IPO7: variants seen among roughly 807,000 people sequenced by gnomAD.
IPO7 encodes importin-7.
Under a neutral mutation model 136.4 loss-of-function variants are expected in IPO7, and 13 were observed. The observed-to-expected ratio is 0.10, with a 90% confidence interval of 0.06 to 0.15. The LOEUF (loss-of-function observed/expected upper bound fraction) is 0.15, where lower values mean the gene tolerates loss of function less well. Ranked by LOEUF, IPO7 falls within the 10% of genes least tolerant of loss-of-function variation. IPO7 has a pLI of 1.00. For missense variants in IPO7, 857 were observed against 1,240.6 expected (o/e 0.69, Z 4.65); for synonymous variants, 403 against 404.4 (o/e 1.00, Z 0.04).
At chr11:9,389,347 C>T (rs926492411) in intron 1 of IPO7, among the ~76,000 whole-genome samples, 2 of 152,176 alleles carry the variant, frequency 1.3e-5, no homozygotes, top group Non-Finnish European at 2.9e-5. Context: ...CCACACCAGC[C>T]GGTGTTTTTA....
At chr11:9,411,156 C>T (rs1045969923) in intron 4 of IPO7, among the ~76,000 whole-genome samples, 1 of 152,042 alleles carries the variant, frequency 6.6e-6, no homozygotes, top group Non-Finnish European at 1.5e-5. Context: ...GGTTCAAGGC[C>T]CTCCTGTCCC....
intron 3 of IPO7, 25 bp from the exon 4 acceptor site, chr11:9,409,903 C>G: frequency 6.8e-7 from 1 of 1,479,610 alleles, no homozygotes; most frequent in Non-Finnish European, 9.0e-7. Context: ...GGATTTTTTC[C>G]TTACTGTTTT....
Position 9,445,387 on chromosome 11 carries a change from G to T in IPO7, c.*193G>T. ...AAAAGAAATCAGCGGGATTTTGGGGGTGGGGGGGGATGGGAGGTACCTTAG... is the reference window on the plus strand; with the variant it reads ...AAAAGAAATCAGCGGGATTTTGGGGTTGGGGGGGGATGGGAGGTACCTTAG... On this transcript the variant is annotated 3_prime_UTR_variant, in exon 25 of 25. Transcript: ENST00000379719. The T allele has an allele frequency of 3.1e-6, 1 of 326,144 alleles. No individual in the cohort carries two copies. Among genetic ancestry groups the T allele is most frequent in the Non-Finnish European group, 5.5e-6 (1 of 182,994 alleles). 20.2% of individuals were successfully genotyped at this position (326,144 alleles called of 1,614,324 possible).
chr11:9,410,821 AG>A (rs1252341004), intron 4 of IPO7, among the ~76,000 whole-genome samples: 1 of 152,164 alleles, frequency 6.6e-6, no homozygotes, highest in Admixed American at 6.5e-5. Flanking sequence ...GGAAGGCATA[AG>A]GAAGACTTTT....
rs187330047 is a variant in IPO7 at position 9,417,958 on chromosome 11, C to T, written c.726+810C>T. On this transcript the variant is annotated intron_variant, in intron 6 of 24. Transcript: ENST00000379719. ...AAACTTCTGAGCTCAGGTGATCCGC[C>T]CACCTTGGCCTCCCAAAGTGCTGGG... is the stretch of plus-strand genomic sequence containing the variant. Among the ~76,000 whole-genome samples the T allele has an allele frequency of 5.1e-3, 762 of 150,252 alleles. 10 individuals are homozygous for T. Among genetic ancestry groups the T allele is most frequent in the African/African-American group, 0.017 (722 of 41,430 alleles).
intron 12 of IPO7, among the ~76,000 whole-genome samples, chr11:9,426,810 T>G (rs527482767): frequency 3.3e-5 from 5 of 152,152 alleles, no homozygotes; most frequent in African/African-American, 1.2e-4. Flanking sequence ...CAGGCTGGAG[T>G]GCAGTGGTGA....
Position 9,425,127 on chromosome 11 carries a change from C to A in IPO7, c.1219-19C>A, listed in dbSNP as rs1298785730. 1.3e-6 allele frequency: 2 copies of A among 1,497,130 alleles called. No individual in the cohort carries two copies. The highest frequency in any genetic ancestry group is 2.8e-5 in the African/African-American group (2 of 72,340). 92.7% of individuals were successfully genotyped at this position (1,497,130 alleles called of 1,614,324 possible). A position where few individuals can be genotyped will look rare whatever the true frequency, so the allele number is the denominator to read the frequency against. On this transcript the variant is annotated intron_variant, in intron 11 of 24. Transcript: ENST00000379719. ...ACTGTTGGCCTATTCAGTAACAATA[C>A]TTTTCTCTTTTAATCTAGGTACTGC... is the stretch of plus-strand genomic sequence containing the variant.
intron 23 of IPO7, among the ~76,000 whole-genome samples, chr11:9,441,513 G>A (rs1284114257): frequency 6.6e-6 from 1 of 152,016 alleles, no homozygotes; most frequent in African/African-American, 2.4e-5. Context: ...TGATAACCAA[G>A]GATTTGAGTC....
At chr11:9,436,461 T>C in intron 20 of IPO7, 95 bp downstream of exon 20, 2 of 761,476 alleles carry the variant, frequency 2.6e-6, no homozygotes, top group Non-Finnish European at 4.3e-6. Context: ...ATATTCTGTA[T>C]GTTTTTGTTT....
intron 6 of IPO7, among the ~76,000 whole-genome samples, chr11:9,417,522 G>T (rs1855057695): frequency 6.6e-6 from 1 of 151,848 alleles, no homozygotes; most frequent in African/African-American, 2.4e-5. Context: ...TTTACAGATT[G>T]GCCAACTTTT....
intron 24 of IPO7, among the ~76,000 whole-genome samples, chr11:9,442,704 C>A (rs1855475522): frequency 6.6e-6 from 1 of 151,964 alleles, no homozygotes; most frequent in South Asian, 2.1e-4. Flanking sequence ...TGAGCCACCA[C>A]ACCCAGCCCC....
chr11:9,397,341 A>AAAAAAATATATATATATAT lies in IPO7; in HGVS notation c.85-5948_85-5947insAAAAATATATATATATATA. On this transcript the variant is annotated intron_variant, in intron 1 of 24. Transcript: ENST00000379719. The stretch of plus-strand genomic sequence containing the variant: ...CTTTACTAAAAATAATTTAAAAAAA[A>AAAAAAATATATATATATAT]ATATATATATATATATATATATATT... 3.6e-3 allele frequency among the ~76,000 whole-genome samples: 39 copies of AAAAAAATATATATATATAT among 10,758 alleles called. 1 individual carries two copies. The highest frequency in any genetic ancestry group is 4.9e-3 in the Non-Finnish European group (27 of 5,458). The allele number at this position is 10,758 out of a possible 152,430, so 7.1% of individuals were successfully genotyped here.
At chr11:9,389,333 G>A (rs1466956649) in intron 1 of IPO7, among the ~76,000 whole-genome samples, 1 of 152,162 alleles carries the variant, frequency 6.6e-6, no homozygotes, top group Non-Finnish European at 1.5e-5. Context: ...ACAGGCATGA[G>A]CCACCACACC....
intron 22 of IPO7, among the ~76,000 whole-genome samples, chr11:9,438,712 G>T (rs938241162): frequency 1.3e-5 from 2 of 152,110 alleles, no homozygotes; most frequent in Non-Finnish European, 2.9e-5. Flanking sequence ...TCACAGAAAA[G>T]ACTTCCTTTC....
At chr11:9,423,269 AG>A in intron 9 of IPO7, 129 bp downstream of exon 9, 1 of 550,788 alleles carries the variant, frequency 1.8e-6, no homozygotes, top group East Asian at 2.9e-5. Flanking sequence ...TTGTTTTGAG[AG>A]TATAGCAGAA....
intron 1 of IPO7, among the ~76,000 whole-genome samples, chr11:9,385,271 T>C (rs1169781665): frequency 6.6e-6 from 1 of 152,202 alleles, no homozygotes; most frequent in East Asian, 1.9e-4. Context: ...GAAGGGCTCC[T>C]GGGAATGCCG....
At chr11:9,422,571 G>A (rs1855148987) in intron 8 of IPO7, among the ~76,000 whole-genome samples, 1 of 152,136 alleles carries the variant, frequency 6.6e-6, no homozygotes, top group African/African-American at 2.4e-5. Context: ...TGCTAAATAG[G>A]CAGTTGACTG....
At position 9,433,815 on chromosome 11, in the gene IPO7, C is replaced by G; in HGVS notation, c.2043C>G (p.Val681=). Residue 681 remains valine (V), a synonymous_variant, in exon 18 of 25, where the codon GTC becomes GTG. Transcript: ENST00000379719. ...AGCTACTACCCCTTGTATTTGAAGT[C>G]TTTCAGCAAGATGGCTTTGATTACT... ...MWQLLPLVFE[V]FQQDGFDYFT... is the part of the protein sequence containing the mutation. 2.5e-6 allele frequency: 4 copies of G among 1,611,336 alleles called. No individual in the cohort carries two copies. Among genetic ancestry groups the G allele is most frequent in the Non-Finnish European group, 2.5e-6 (3 of 1,179,846 alleles).
intron 1 of IPO7, among the ~76,000 whole-genome samples, chr11:9,397,341 A>AAAAAAAAATATATATATATATAT: frequency 8.4e-4 from 9 of 10,748 alleles, no homozygotes; most frequent in African/African-American, 2.3e-3. Flanking sequence ...TTTAAAAAAA[A>AAAAAAAAATATATATATATATAT]ATATATATAT....
Sources: gnomAD v4.1 joint callset for allele counts (sites outside exome capture counted in the v4.1 genomes callset) on GRCh38, gnomAD v4.1.1 for gene constraint, MANE v1.5 for transcripts, NCBI Gene and HGNC (gene_info 2026-07-23, HGNC 2026-07-21) for gene names.